The following ROBO2 variants were observed in gnomAD, a reference collection of about 807,000 sequenced individuals.
The protein encoded by ROBO2 is roundabout homolog 2.
ROBO2 carries 53 observed loss-of-function variants against 160.8 expected under a neutral mutation model. The observed-to-expected ratio is 0.33, with a 90% CI of 0.26 to 0.41. The LOEUF is 0.41. Ranked by LOEUF, ROBO2 falls within the 10% of genes least tolerant of loss-of-function variation. The pLI is 1.00. For synonymous variants in ROBO2, 664 were observed against 611.7 expected (o/e 1.09, Z -1.26); for missense variants, 1,577 against 1,722.4 (o/e 0.92, Z 1.49).
chr3:77,036,780 A>G (rs1021519649), upstream of ROBO2, among the ~76,000 whole-genome samples: 3 of 152,008 alleles, frequency 2.0e-5, no homozygotes, highest in Non-Finnish European at 2.9e-5. Flanking sequence ...ATTTTTCTGT[A>G]TCTTAAGCTC....
intron 2 of ROBO2, among the ~76,000 whole-genome samples, chr3:76,212,060 T>A (rs556191469): frequency 6.6e-6 from 1 of 152,180 alleles, no homozygotes; most frequent in African/African-American, 2.4e-5. Flanking sequence ...TTAACTAGAA[T>A]AACCATAATA....
chr3:77,154,414 G>A (rs1484042438), intron 2 of ROBO2, among the ~76,000 whole-genome samples: 1 of 152,066 alleles, frequency 6.6e-6, no homozygotes, highest in African/African-American at 2.4e-5. Flanking sequence ...CATCCTTGGT[G>A]GGGATGTAAA....
intron 2 of ROBO2, among the ~76,000 whole-genome samples, chr3:77,435,192 A>G (rs1269644041): frequency 1.3e-5 from 2 of 152,086 alleles, no homozygotes; most frequent in Middle Eastern, 3.4e-3. Context: ...ACATAAGGCT[A>G]ATTTTCTCTT....
At chr3:76,524,826 TAAAAAAAAAAA>T (rs58091252) in intron 2 of ROBO2, among the ~76,000 whole-genome samples, 101 of 21,716 alleles carry the variant, frequency 4.7e-3, no homozygotes, top group South Asian at 0.019. Context: ...CTCTTATTCC[TAAAAAAAAAAA>T]AAAAAAAAAA....
intron 2 of ROBO2, among the ~76,000 whole-genome samples, chr3:76,515,222 T>C (rs1326620472): frequency 3.3e-5 from 5 of 152,182 alleles, no homozygotes; most frequent in Non-Finnish European, 5.9e-5. Context: ...GTGAGTTTCT[T>C]TATATACCTT....
chr3:77,590,613 A>G (rs573130222), intron 17 of ROBO2, among the ~76,000 whole-genome samples: 6 of 152,256 alleles, frequency 3.9e-5, no homozygotes, highest in Admixed American at 2.0e-4. Flanking sequence ...GATGTTAGCA[A>G]TGATAATAAA....
chr3:75,932,519 T>C (rs1408031170), intron 1 of ROBO2, among the ~76,000 whole-genome samples: 1 of 152,212 alleles, frequency 6.6e-6, no homozygotes, highest in Non-Finnish European at 1.5e-5. Flanking sequence ...TGATACAACA[T>C]TTCCTTACTA....
intron 2 of ROBO2, among the ~76,000 whole-genome samples, chr3:76,119,916 C>CCCTCCCTCCCTCCCTCCCTCCCTTCCTT (rs1377854643): frequency 6.8e-5 from 6 of 88,172 alleles, no homozygotes; most frequent in South Asian, 5.3e-4. Context: ...TTCCCTCCCT[C>CCCTCCCTCCCTCCCTCCCTCCCTTCCTT]CCTTCCTTCC....
intron 2 of ROBO2, among the ~76,000 whole-genome samples, chr3:76,095,368 A>G (rs983633660): frequency 6.6e-6 from 1 of 152,140 alleles, no homozygotes; most frequent in Non-Finnish European, 1.5e-5. Flanking sequence ...TTCCAATAAT[A>G]AAGAGAAATG....
chr3:76,641,502 G>A (rs2090673389), intron 2 of ROBO2, among the ~76,000 whole-genome samples: 1 of 152,106 alleles, frequency 6.6e-6, no homozygotes, highest in Admixed American at 6.6e-5. Context: ...GATCATGAAG[G>A]ACAAGGAAGG....
chr3:76,240,634 G>A (rs1705228822), intron 2 of ROBO2, among the ~76,000 whole-genome samples: 1 of 152,126 alleles, frequency 6.6e-6, no homozygotes, highest in Admixed American at 6.5e-5. Flanking sequence ...TGTGTAGTAG[G>A]AAAGGCATTG....
chr3:77,477,135 G>C (rs1377076853), intron 2 of ROBO2, among the ~76,000 whole-genome samples: 1 of 151,868 alleles, frequency 6.6e-6, no homozygotes, highest in East Asian at 1.9e-4. Flanking sequence ...TTAATTAATC[G>C]CAGAACTGTA....
rs371541466 is a variant in ROBO2, at chr3:76,852,463, G to A, written c.110-245551G>A. Reference sequence around the variant, plus strand: ...GATCTCAGTATGTTCTAGCCGTGTGGTAATTATGTTGATTTGCCTGAAGAA... The same window carrying A: ...GATCTCAGTATGTTCTAGCCGTGTGATAATTATGTTGATTTGCCTGAAGAA... On this transcript the variant is annotated intron_variant, in intron 2 of 26. Coordinates refer to the ROBO2 transcript ENST00000487694. Among the ~76,000 whole-genome samples the A allele has an allele frequency of 8.5e-5, 13 of 152,248 alleles. No homozygotes were observed. In the East Asian group the frequency reaches 1.9e-3, roughly 23 times the overall value.
chr3:77,077,802 T>A (rs889737425), intron 1 of ROBO2, among the ~76,000 whole-genome samples: 1 of 152,216 alleles, frequency 6.6e-6, no homozygotes, highest in Non-Finnish European at 1.5e-5. Flanking sequence ...TCTTGGAGTG[T>A]ACTGGTGGCT....
chr3:76,038,153 A>T (rs1559856969), intron 2 of ROBO2, among the ~76,000 whole-genome samples: 1 of 152,002 alleles, frequency 6.6e-6, no homozygotes, highest in Non-Finnish European at 1.5e-5. Flanking sequence ...GAAGTAGGGG[A>T]AGATCATGAG....
At chr3:76,062,726 G>T (rs527765327) in intron 2 of ROBO2, among the ~76,000 whole-genome samples, 1 of 152,172 alleles carries the variant, frequency 6.6e-6, no homozygotes, top group African/African-American at 2.4e-5. Context: ...AGCATGAACA[G>T]TGTTAGCTAT....
chr3:76,181,517 A>G (rs1559618711), intron 2 of ROBO2, among the ~76,000 whole-genome samples: 2 of 152,234 alleles, frequency 1.3e-5, no homozygotes, highest in Non-Finnish European at 2.9e-5. Context: ...GCAGCCTTAC[A>G]ATGTGATAAC....
At chr3:77,286,490 A>C (rs895489996) in intron 2 of ROBO2, among the ~76,000 whole-genome samples, 1 of 152,058 alleles carries the variant, frequency 6.6e-6, no homozygotes, top group Non-Finnish European at 1.5e-5. Context: ...TCCTGACCTC[A>C]AGTGATCCGA....
In ROBO2 at chr3:77,548,803, A is replaced by G. The variant is rs9845325; in HGVS notation, c.1060-2015A>G. ...GGGATGTGGTGGGAGAGAAAGAGAG[A>G]GAGAGAGAGAAAGAGAAAGAGATAC... On this transcript the variant is annotated intron_variant, in intron 7 of 25. Transcript: ENST00000461745. 7.0e-3 allele frequency among the ~76,000 whole-genome samples: 1,071 copies of G among 152,060 alleles called. 6 individuals carry two copies. The highest frequency in any genetic ancestry group is 0.01 in the Non-Finnish European group (682 of 67,936).
Sources: gnomAD v4.1 joint callset for allele counts (sites outside exome capture counted in the v4.1 genomes callset) on GRCh38, gnomAD v4.1.1 for gene constraint, MANE v1.5 for transcripts, NCBI Gene and HGNC (gene_info 2026-07-23, HGNC 2026-07-21) for gene names.